The following TENM3 variants were observed in gnomAD, a reference collection of about 807,000 sequenced individuals.
The protein encoded by TENM3 is teneurin-3.
Under a neutral mutation model 255.1 loss-of-function variants are expected in TENM3, and 63 were observed. That is an observed-to-expected ratio of 0.25 (90% CI 0.20 to 0.30). The LOEUF (loss-of-function observed/expected upper bound fraction) is 0.30, where lower values mean the gene tolerates loss of function less well. Among genes scored for constraint, TENM3 ranks in the 10% least tolerant of loss-of-function variants. The pLI is 1.00. For synonymous variants in TENM3, 1,306 were observed against 1,322.3 expected (o/e 0.99, Z 0.27); for missense variants, 2,929 against 3,461.1 (o/e 0.85, Z 3.86).
At chr4:181,879,562 T>C in the TENM3 span, among the ~76,000 whole-genome samples, 1 of 152,200 alleles carries the variant, frequency 6.6e-6, no homozygotes, top group African/African-American at 2.4e-5. Flanking sequence ...TCTCTTCTCA[T>C]GGGAAAGTGT....
the TENM3 span, chr4:181,906,347 TCTC>T: frequency 7.1e-4 from 144 of 203,108 alleles, 1 homozygote; most frequent in African/African-American, 3.2e-3. Flanking sequence ...TGTTCAAGTG[TCTC>T]CTCCTGTACG....
the TENM3 span, among the ~76,000 whole-genome samples, chr4:182,061,988 T>C: frequency 6.6e-6 from 1 of 152,084 alleles, no homozygotes; most frequent in Non-Finnish European, 1.5e-5. Context: ...AATTAAAAAT[T>C]AAATATTTGC....
At chr4:181,862,577 A>T in the TENM3 span, among the ~76,000 whole-genome samples, 3 of 152,128 alleles carry the variant, frequency 2.0e-5, no homozygotes, top group African/African-American at 7.2e-5. Context: ...AAGCAAGACA[A>T]AAAGGGAGCA....
At chr4:182,305,828 T>C (rs1412641636) in intron 1 of TENM3, among the ~76,000 whole-genome samples, 1 of 152,232 alleles carries the variant, frequency 6.6e-6, no homozygotes, top group Non-Finnish European at 1.5e-5. Flanking sequence ...GCCCATTTCA[T>C]GTAGGGCTTG....
the TENM3 span, among the ~76,000 whole-genome samples, chr4:182,081,139 T>C: frequency 6.6e-6 from 1 of 152,182 alleles, no homozygotes; most frequent in African/African-American, 2.4e-5. Context: ...ATGAAAAAAA[T>C]GCTTACAAAT....
chr4:182,029,226 A>T, the TENM3 span, among the ~76,000 whole-genome samples: 268 of 152,142 alleles, frequency 1.8e-3, 1 homozygote, highest in Non-Finnish European at 2.6e-3. Flanking sequence ...ACCATTCATG[A>T]GATCAGGGGG....
chr4:181,706,285 C>A, the TENM3 span, among the ~76,000 whole-genome samples: 2 of 152,146 alleles, frequency 1.3e-5, no homozygotes, highest in Admixed American at 6.5e-5. Context: ...TTAATTACCT[C>A]TGATATGACC....
rs1767031176 is a variant in TENM3 at position 182,802,267 on chromosome 4, A to G, written c.*1916A>G. 1.3e-5 allele frequency: 2 copies of G among 152,678 alleles called. No individual in the cohort carries two copies. Among genetic ancestry groups the G allele is most frequent in the Non-Finnish European group, 2.9e-5 (2 of 68,052 alleles). 9.5% of individuals were successfully genotyped at this position (152,678 alleles called of 1,614,324 possible). On this transcript the variant is annotated 3_prime_UTR_variant, in exon 28 of 28. Coordinates refer to ENST00000511685, the MANE Select transcript of TENM3 (RefSeq NM_001080477.4). Reference sequence around the variant, plus strand: ...GATGATATTTTATTAGAATGAAAGCACAGATTAGCATTAATATTTTTTATT... The same window carrying G: ...GATGATATTTTATTAGAATGAAAGCGCAGATTAGCATTAATATTTTTTATT...
At chr4:181,610,459 T>G in the TENM3 span, among the ~76,000 whole-genome samples, 1 of 152,200 alleles carries the variant, frequency 6.6e-6, no homozygotes, top group African/African-American at 2.4e-5. Context: ...GTCAACCTAG[T>G]GCAGTTACAT....
chr4:182,135,507 A>T, the TENM3 span, among the ~76,000 whole-genome samples: 1 of 152,342 alleles, frequency 6.6e-6, no homozygotes, highest in African/African-American at 2.4e-5. Context: ...ATCAGCTATG[A>T]GTTGAATACA....
intron 17 of TENM3, among the ~76,000 whole-genome samples, chr4:182,737,376 C>T (rs1241485337): frequency 6.6e-6 from 1 of 152,072 alleles, no homozygotes; most frequent in Admixed American, 6.6e-5. Context: ...TATTTTGTCC[C>T]TTTCTTTTTC....
the TENM3 span, among the ~76,000 whole-genome samples, chr4:181,578,282 G>A: frequency 6.6e-6 from 1 of 152,184 alleles, no homozygotes; most frequent in East Asian, 1.9e-4. Context: ...AGCTTTGTCT[G>A]GAGGTCTGCA....
At chr4:182,395,144 A>G (rs2150999666) in intron 3 of TENM3, among the ~76,000 whole-genome samples, 1 of 152,310 alleles carries the variant, frequency 6.6e-6, no homozygotes, top group South Asian at 2.1e-4. Flanking sequence ...ATCCCTCAAC[A>G]ATATTATCAG....
chr4:182,544,259 C>G (rs1741189534), intron 3 of TENM3, among the ~76,000 whole-genome samples: 1 of 150,970 alleles, frequency 6.6e-6, no homozygotes, highest in Non-Finnish European at 1.5e-5. Flanking sequence ...ACTTGCCTTT[C>G]AAGTTCCAGC....
the TENM3 span, among the ~76,000 whole-genome samples, chr4:182,109,748 G>A: frequency 6.6e-6 from 1 of 152,306 alleles, no homozygotes; most frequent in African/African-American, 2.4e-5. Flanking sequence ...TCTATGAAAT[G>A]TGTTGATGTT....
At chr4:181,834,631 T>A in the TENM3 span, among the ~76,000 whole-genome samples, 7 of 152,160 alleles carry the variant, frequency 4.6e-5, 1 homozygote, top group Admixed American at 4.6e-4. Context: ...AAGGAAGCGT[T>A]GGCCTCCTAG....
chr4:182,596,686 G>A (rs1370020742), intron 3 of TENM3, among the ~76,000 whole-genome samples: 2 of 152,142 alleles, frequency 1.3e-5, no homozygotes, highest in African/African-American at 2.4e-5. Flanking sequence ...ACACGAGGGA[G>A]AGCTTGCAAA....
chr4:181,522,100 C>CAAAAAAAAAAAAAAAAAAA, the TENM3 span, among the ~76,000 whole-genome samples: 2 of 54,728 alleles, frequency 3.7e-5, no homozygotes, highest in African/African-American at 7.9e-5. Context: ...GACTCCGTCT[C>CAAAAAAAAAAAAAAAAAAA]AAAAAAAAAA....
chr4:181,888,196 A>C, the TENM3 span, among the ~76,000 whole-genome samples: 1 of 151,536 alleles, frequency 6.6e-6, no homozygotes, highest in African/African-American at 2.4e-5. Context: ...CGCCAGGCTA[A>C]TTTTCGTATT....
Sources: gnomAD v4.1 joint callset for allele counts (sites outside exome capture counted in the v4.1 genomes callset) on GRCh38, gnomAD v4.1.1 for gene constraint, MANE v1.5 for transcripts, NCBI Gene and HGNC (gene_info 2026-07-23, HGNC 2026-07-21) for gene names.